SARDH: variants seen among roughly 807,000 people sequenced by gnomAD.
SARDH encodes the protein sarcosine dehydrogenase, also known as sarcosine dehydrogenase, mitochondrial.
A neutral mutation model predicts 109.1 loss-of-function variants in SARDH; 95 were observed. The observed-to-expected ratio is 0.87, with a 90% CI of 0.74 to 1.03. The LOEUF is 1.03. Ranked by LOEUF, SARDH falls within the 50% of genes least tolerant of loss-of-function variation. SARDH has a pLI of 0.00. For missense variants in SARDH, 1,267 were observed against 1,287.8 expected (o/e 0.98, Z 0.25); for synonymous variants, 572 against 534.8 (o/e 1.07, Z -0.96).
intron 19 of SARDH, chr9:133,667,202 T>A: frequency 2.2e-6 from 1 of 463,750 alleles, no homozygotes. Context: ...TGGTTTTTTT[T>A]TTTTTTTTTT....
chr9:133,681,837 C>T (rs1588395014), intron 17 of SARDH, among the ~76,000 whole-genome samples: 1 of 152,170 alleles, frequency 6.6e-6, no homozygotes, highest in African/African-American at 2.4e-5. Context: ...AGCACCTCCC[C>T]GCCGCCTATT....
At chr9:133,682,859 T>G (rs1398010479) in intron 17 of SARDH, among the ~76,000 whole-genome samples, 2 of 141,212 alleles carry the variant, frequency 1.4e-5, no homozygotes, top group Non-Finnish European at 3.0e-5. Flanking sequence ...GGTTGGAAAC[T>G]GCTAGAAGCG....
intron 17 of SARDH, among the ~76,000 whole-genome samples, chr9:133,679,815 T>C (rs961097276): frequency 1.3e-5 from 2 of 152,244 alleles, no homozygotes; most frequent in African/African-American, 4.8e-5. Context: ...CCAATTCGTC[T>C]GGTGGTGAGG....
chr9:133,693,449 T>G lies in SARDH; in HGVS notation c.1921+809A>C, dbSNP rs953459602. Among the ~76,000 whole-genome samples the G allele has an allele frequency of 6.6e-6, 1 of 152,232 alleles. No homozygotes were observed. Among genetic ancestry groups the G allele is most frequent in the Non-Finnish European group, 1.5e-5 (1 of 68,038 alleles). ...ACCAGGAGATGCCAGGTTTTCTGAATGGGCTGAGCCCTCCCCGCTGACTGT... is the reference window on the plus strand; with the variant it reads ...ACCAGGAGATGCCAGGTTTTCTGAAGGGGCTGAGCCCTCCCCGCTGACTGT... On this transcript the variant is annotated intron_variant, in intron 15 of 20. Coordinates refer to ENST00000439388, the MANE Select transcript of SARDH (RefSeq NM_001134707.2). The surrounding 1 kb of genome is among the most constrained non-coding windows in gnomAD (Gnocchi z 5.6).
At chr9:133,683,824 C>T (rs987520099) in intron 17 of SARDH, among the ~76,000 whole-genome samples, 1 of 152,230 alleles carries the variant, frequency 6.6e-6, no homozygotes, top group African/African-American at 2.4e-5. Flanking sequence ...TTAGCATTTC[C>T]CCACCCAAAC....
At chr9:133,732,866 C>T (rs1048012706) in intron 2 of SARDH, among the ~76,000 whole-genome samples, 6 of 152,216 alleles carry the variant, frequency 3.9e-5, no homozygotes, top group Non-Finnish European at 8.8e-5. Flanking sequence ...GTGTGCCAAG[C>T]CCCGTGCTAA....
intron 3 of SARDH, 94 bp downstream of exon 3, chr9:133,732,329 C>T: frequency 1.0e-6 from 1 of 990,550 alleles, no homozygotes; most frequent in Non-Finnish European, 1.4e-6. Context: ...CCACCCTACC[C>T]CCCCACAGGG....
intron 20 of SARDH, among the ~76,000 whole-genome samples, chr9:133,665,163 G>T (rs1830019196): frequency 6.6e-6 from 1 of 152,150 alleles, no homozygotes; most frequent in African/African-American, 2.4e-5. Context: ...GGCCGCTCTG[G>T]GTGCATCGAC....
intron 13 of SARDH, among the ~76,000 whole-genome samples, chr9:133,700,544 G>A (rs987705372): frequency 6.6e-6 from 1 of 152,064 alleles, no homozygotes; most frequent in African/African-American, 2.4e-5. Flanking sequence ...CCTGGGCTGG[G>A]GATAGGGTGA....
chr9:133,664,433 G>GAC (rs1315688996), intron 20 of SARDH, among the ~76,000 whole-genome samples: 2 of 152,244 alleles, frequency 1.3e-5, no homozygotes, highest in Non-Finnish European at 2.9e-5. Flanking sequence ...CAGCCTTCTA[G>GAC]ACAGCTTGGC....
At chr9:133,663,408 G>A (rs1233439457), downstream of SARDH, among the ~76,000 whole-genome samples, 2 of 152,256 alleles carry the variant, frequency 1.3e-5, no homozygotes, top group Admixed American at 6.5e-5. Context: ...TTGGTCCCAG[G>A]CCTCCATGTG....
intron 17 of SARDH, among the ~76,000 whole-genome samples, chr9:133,673,040 GC>G (rs1830402182): frequency 1.3e-5 from 2 of 152,224 alleles, no homozygotes; most frequent in South Asian, 4.1e-4. Context: ...ATGTCTGTGG[GC>G]TGAGGCGGAC....
intron 17 of SARDH, among the ~76,000 whole-genome samples, chr9:133,678,915 C>T (rs1315423654): frequency 1.3e-5 from 2 of 152,216 alleles, no homozygotes; most frequent in African/African-American, 4.8e-5. Context: ...GGAGGGCTCA[C>T]ACCTTTTCTT....
intron 11 of SARDH, among the ~76,000 whole-genome samples, chr9:133,706,192 C>T (rs1202413608): frequency 1.3e-5 from 2 of 152,186 alleles, no homozygotes; most frequent in Admixed American, 6.5e-5. Flanking sequence ...AACCACTAAC[C>T]AGGGGAGAGA....
intron 15 of SARDH, among the ~76,000 whole-genome samples, chr9:133,690,950 G>A (rs1396214934): frequency 6.6e-6 from 1 of 152,106 alleles, no homozygotes; most frequent in African/African-American, 2.4e-5. Context: ...GCCCCACAGG[G>A]CTATTGGAAG....
intron 11 of SARDH, among the ~76,000 whole-genome samples, chr9:133,706,324 A>T (rs1831695811): frequency 6.6e-6 from 1 of 152,234 alleles, no homozygotes; most frequent in South Asian, 2.1e-4. Flanking sequence ...ATGAACCTTG[A>T]AAACATGCTA....
In SARDH at chr9:133,731,314, T is replaced by C. The variant is rs767766459; in HGVS notation, c.681A>G (p.Arg227=). 6.2e-7 allele frequency: 1 copy of C among 1,613,962 alleles called. No individual in the cohort carries two copies. Among genetic ancestry groups the C allele is most frequent in the Admixed American group, 1.7e-5 (1 of 60,000 alleles). The change falls in exon 4 of 21, where the codon CGA becomes CGG. Residue 227 remains arginine (R), a synonymous_variant. Transcript: ENST00000439388. ...CTTLARAASA[R]GAQVIENCPV... is the part of the protein sequence containing the mutation. ...AGGCGGCCATCAGTACCTGTGCTCC[T>C]CGGGCAGAAGCTGCCCTGGCGAGGG...
intron 6 of SARDH, among the ~76,000 whole-genome samples, chr9:133,727,858 G>A (rs758373574): frequency 6.6e-6 from 1 of 152,152 alleles, no homozygotes; most frequent in Non-Finnish European, 1.5e-5. Flanking sequence ...CCCTGGAAAG[G>A]CACCTCAAAG....
intron 17 of SARDH, among the ~76,000 whole-genome samples, chr9:133,681,870 A>G (rs1168317941): frequency 3.3e-5 from 5 of 151,870 alleles, no homozygotes; most frequent in Admixed American, 3.3e-4. Context: ...ACGATCGCGC[A>G]CGCCAGTTGA....
Sources: gnomAD v4.1 joint callset for allele counts (sites outside exome capture counted in the v4.1 genomes callset) on GRCh38, gnomAD v4.1.1 for gene constraint, Gnocchi (gnomAD v3.1) non-coding constraint, MANE v1.5 for transcripts, NCBI Gene and HGNC (gene_info 2026-07-23, HGNC 2026-07-21) for gene names.